Variants in GRM5 observed in about 807,000 individuals in gnomAD.
The protein encoded by GRM5 is metabotropic glutamate receptor 5.
A neutral mutation model predicts 83.1 loss-of-function variants in GRM5; 19 were observed. That is an observed-to-expected ratio of 0.23 (90% CI 0.16 to 0.34). The LOEUF (loss-of-function observed/expected upper bound fraction) is 0.34. Among genes scored for constraint, GRM5 ranks in the 10% least tolerant of loss-of-function variants. The pLI is 1.00. For synonymous variants in GRM5, 675 were observed against 633.6 expected, an observed-to-expected ratio of 1.07 and a Z score of -0.98; for missense variants, 1,160 against 1,588.3, an observed-to-expected ratio of 0.73 and a Z score of 4.58.
intron 3 of GRM5, among the ~76,000 whole-genome samples, chr11:88,683,968 C>T (rs111895151): frequency 2.9e-4 from 44 of 152,298 alleles, no homozygotes; most frequent in Non-Finnish European, 5.7e-4. Context: ...GATTGTGGCA[C>T]TGCAGCTAGA....
At chr11:88,687,560 AT>A (rs1359482676) in intron 3 of GRM5, among the ~76,000 whole-genome samples, 2 of 2,952 alleles carry the variant, frequency 6.8e-4, no homozygotes, top group East Asian at 0.036. Flanking sequence ...ACACATATAT[AT>A]TATATATATA....
chr11:88,549,250 G>A (rs893385085), intron 8 of GRM5, among the ~76,000 whole-genome samples: 2 of 152,016 alleles, frequency 1.3e-5, no homozygotes, highest in Admixed American at 1.3e-4. Context: ...GATTTCTTGA[G>A]CTCAGGGGTT....
intron 7 of GRM5, among the ~76,000 whole-genome samples, chr11:88,568,249 C>T (rs1942912995): frequency 6.6e-6 from 1 of 152,086 alleles, no homozygotes; most frequent in Non-Finnish European, 1.5e-5. Flanking sequence ...ATGTTTCCTG[C>T]TCTCATAAAA....
chr11:88,551,599 T>G, intron 8 of GRM5, among the ~76,000 whole-genome samples: 1 of 152,146 alleles, frequency 6.6e-6, no homozygotes, highest in Admixed American at 6.6e-5. Context: ...TTAGAGAAAT[T>G]GATACATTTT....
At chr11:88,963,651 T>A (rs554244125) in intron 2 of GRM5, among the ~76,000 whole-genome samples, 2 of 152,352 alleles carry the variant, frequency 1.3e-5, no homozygotes, top group African/African-American at 4.8e-5. Context: ...TAGCTTTGGC[T>A]TTTACTTTTT....
chr11:88,564,221 C>T lies in GRM5; in HGVS notation c.2630+2832G>A, dbSNP rs1476098279. Among the ~76,000 whole-genome samples the T allele has an allele frequency of 2.0e-5, 3 of 152,156 alleles. No homozygotes were observed. The South Asian group carries it at 6.2e-4, about 32-fold the overall frequency. On this transcript the variant is annotated intron_variant, in intron 8 of 9. Transcript: ENST00000305447. Reference sequence around the variant, plus strand: ...AAGATTGCAGAAAGAAGACCAAACACTTGCCAAAGGTTTCTCTTTACCCTC... The same window carrying T: ...AAGATTGCAGAAAGAAGACCAAACATTTGCCAAAGGTTTCTCTTTACCCTC...
In GRM5 at chr11:89,052,473, T is replaced by C. The variant is rs148965161; in HGVS notation, c.-200-4401A>G. Among the ~76,000 whole-genome samples the C allele has an allele frequency of 2.9e-3, 449 of 152,298 alleles. 3 individuals carry two copies. The highest frequency in any genetic ancestry group is 0.011 in the African/African-American group (437 of 41,570). On this transcript the variant is annotated intron_variant, in intron 1 of 9. Coordinates refer to ENST00000305447, the MANE Select transcript of GRM5 (RefSeq NM_001143831.3). Reference sequence around the variant, plus strand: ...TTTTTAAAGACATATGCAAGACTTATATATTTCAGAGAAAAACGTATCCGA... The same window carrying C: ...TTTTTAAAGACATATGCAAGACTTACATATTTCAGAGAAAAACGTATCCGA...
intron 8 of GRM5, among the ~76,000 whole-genome samples, chr11:88,553,510 G>A (rs1413621315): frequency 2.0e-5 from 3 of 152,120 alleles, no homozygotes; most frequent in African/African-American, 7.2e-5. Context: ...TCACTAATGG[G>A]CCAAGTGTGG....
rs184585816 is a variant in GRM5, at chr11:88,884,193, G to T, written c.662-34038C>A. 2.2e-3 allele frequency among the ~76,000 whole-genome samples: 340 copies of T among 152,304 alleles called. 2 individuals are homozygous for T. Among genetic ancestry groups the T allele is most frequent in the Non-Finnish European group, 2.5e-3 (172 of 68,028 alleles). ...GGAGCCCTACACTGCAAAGTCACAGGGGCAGAGTTGCCCCAAGACATAGGA... is the reference window on the plus strand; with the variant it reads ...GGAGCCCTACACTGCAAAGTCACAGTGGCAGAGTTGCCCCAAGACATAGGA... On this transcript the variant is annotated intron_variant, in intron 2 of 9. Transcript: ENST00000305447.
chr11:88,842,257 T>C (rs1944217680), intron 3 of GRM5, among the ~76,000 whole-genome samples: 1 of 152,172 alleles, frequency 6.6e-6, no homozygotes, highest in South Asian at 2.1e-4. Context: ...GTCCAAATTA[T>C]TGCAAATCTC....
chr11:88,778,536 G>A (rs746332687), intron 3 of GRM5, among the ~76,000 whole-genome samples: 10 of 151,878 alleles, frequency 6.6e-5, no homozygotes, highest in African/African-American at 1.7e-4. Flanking sequence ...CTTCTGCATC[G>A]ATCACATTAG....
intron 8 of GRM5, among the ~76,000 whole-genome samples, chr11:88,530,135 G>A (rs554445632): frequency 6.6e-6 from 1 of 152,118 alleles, no homozygotes; most frequent in East Asian, 1.9e-4. Flanking sequence ...GAGGTGAATA[G>A]CCATGCTCAT....
At chr11:88,781,839 C>T (rs1374137548) in intron 3 of GRM5, among the ~76,000 whole-genome samples, 1 of 152,152 alleles carries the variant, frequency 6.6e-6, no homozygotes, top group Non-Finnish European at 1.5e-5. Context: ...AAGCTGAGAT[C>T]CCATGCTGAG....
At chr11:88,607,460 G>A (rs1381200392) in intron 4 of GRM5, among the ~76,000 whole-genome samples, 1 of 152,136 alleles carries the variant, frequency 6.6e-6, no homozygotes. Context: ...CTAACTGGTT[G>A]CCTGCTTTCT....
At chr11:88,678,692 G>T (rs1052944703) in intron 3 of GRM5, among the ~76,000 whole-genome samples, 2 of 152,072 alleles carry the variant, frequency 1.3e-5, no homozygotes, top group African/African-American at 4.8e-5. Context: ...ACAAATTGAT[G>T]ACCACAATGG....
At chr11:89,048,974 T>C (rs1035727391) in intron 1 of GRM5, among the ~76,000 whole-genome samples, 1 of 152,212 alleles carries the variant, frequency 6.6e-6, no homozygotes, top group Non-Finnish European at 1.5e-5. Flanking sequence ...ATAAACGCTT[T>C]ACAAGTTAAA....
chr11:88,837,980 G>A (rs958151594), intron 3 of GRM5, among the ~76,000 whole-genome samples: 4 of 150,054 alleles, frequency 2.7e-5, no homozygotes, highest in Non-Finnish European at 5.9e-5. Flanking sequence ...AGCTACTTGG[G>A]AGGCTGAGGC....
chr11:88,845,885 G>T (rs1295990806), intron 3 of GRM5, among the ~76,000 whole-genome samples: 3 of 152,160 alleles, frequency 2.0e-5, no homozygotes, highest in Admixed American at 1.3e-4. Flanking sequence ...AGACATTCTT[G>T]CTACATGTAA....
chr11:88,833,801 A>G (rs183695915), intron 3 of GRM5, among the ~76,000 whole-genome samples: 92 of 152,336 alleles, frequency 6.0e-4, no homozygotes, highest in Non-Finnish European at 1.0e-3. Flanking sequence ...AAATAATGAA[A>G]TCATGTCATT....
Sources: gnomAD v4.1 joint callset for allele counts (sites outside exome capture counted in the v4.1 genomes callset) on GRCh38, gnomAD v4.1.1 for gene constraint, MANE v1.5 for transcripts, NCBI Gene and HGNC (gene_info 2026-07-23, HGNC 2026-07-21) for gene names.